SYN2: variants seen among roughly 807,000 people sequenced by gnomAD.
SYN2 encodes the protein synapsin II.
SYN2 carries 19 observed loss-of-function variants against 50.9 expected under a neutral mutation model. The ratio of observed to expected loss-of-function variants is 0.37; its 90% confidence interval spans 0.26 to 0.55. The LOEUF (loss-of-function observed/expected upper bound fraction) is 0.55, where lower values mean the gene tolerates loss of function less well. SYN2 is among the 20% of genes least tolerant of loss of function. SYN2 has a pLI of 0.81. For synonymous variants in SYN2, 255 were observed against 224.9 expected, an observed-to-expected ratio of 1.13 and a Z score of -1.20; for missense variants, 587 against 576.4, an observed-to-expected ratio of 1.02 and a Z score of -0.19.
chr3:12,164,984 C>CTTTTTT (rs68043865), intron 7 of SYN2, among the ~76,000 whole-genome samples: 94 of 92,312 alleles, frequency 1.0e-3, no homozygotes, highest in Middle Eastern at 7.2e-3. Context: ...TTTTTCTTTT[C>CTTTTTT]TTTTTTTTTT....
chr3:12,188,244 A>G (rs993622910), intron 12 of SYN2, among the ~76,000 whole-genome samples: 3 of 152,190 alleles, frequency 2.0e-5, no homozygotes, highest in Non-Finnish European at 2.9e-5. Flanking sequence ...ACACCCAGCA[A>G]TCAACCCTAG....
chr3:12,145,706 C>T lies in SYN2; in HGVS notation c.555C>T (p.Ile185=), dbSNP rs761992414. Reference sequence around the variant, plus strand: ...CCTTCCGGCCAGACTTCGTGCTCATCCGGCAGCATGCATTTGGCATGGCGG... The same window carrying T: ...CCTTCCGGCCAGACTTCGTGCTCATTCGGCAGCATGCATTTGGCATGGCGG... The part of the protein sequence containing the change: ...VRSFRPDFVL[I]RQHAFGMAEN... Residue 185 remains isoleucine (I), a synonymous_variant, in exon 4 of 13, where the codon ATC becomes ATT. Transcript: ENST00000621198. 1.2e-6 allele frequency: 2 copies of T among 1,613,894 alleles called. No homozygotes were observed. The highest frequency in any genetic ancestry group is 1.7e-6 in the Non-Finnish European group (2 of 1,179,882).
At position 12,086,518 on chromosome 3, in the gene SYN2, G is replaced by A. The variant is rs376346447; in HGVS notation, c.378-54133G>A. ...CAACATATTTAAAAGATCATTCACC[G>A]TGATCAAGTGAGATTTATCCCTGGG... On this transcript the variant is annotated intron_variant, in intron 1 of 12. Transcript: ENST00000621198. 5.7e-4 allele frequency among the ~76,000 whole-genome samples: 86 copies of A among 152,180 alleles called. No individual in the cohort carries two copies. In the Middle Eastern group the frequency reaches 0.014, roughly 24 times the overall value.
At chr3:12,113,256 A>G (rs1696364115) in intron 1 of SYN2, among the ~76,000 whole-genome samples, 1 of 152,146 alleles carries the variant, frequency 6.6e-6, no homozygotes, top group African/African-American at 2.4e-5. Context: ...ATGTAACCCA[A>G]TAGTTGCTGC....
At chr3:12,030,921 C>G (rs1247346401) in intron 1 of SYN2, among the ~76,000 whole-genome samples, 1 of 131,398 alleles carries the variant, frequency 7.6e-6, no homozygotes, top group African/African-American at 2.9e-5. Flanking sequence ...CTTCTGCTAG[C>G]TTTTGAATGT....
intron 3 of SYN2, among the ~76,000 whole-genome samples, chr3:12,142,930 C>T (rs1192990561): frequency 1.3e-5 from 2 of 152,142 alleles, no homozygotes; most frequent in Non-Finnish European, 2.9e-5. Context: ...CGAGCTTGTC[C>T]ATTCTGAAGA....
rs541720040 is a variant in SYN2, at chr3:12,059,677, A to G, written c.377+54749A>G. On this transcript the variant is annotated intron_variant, in intron 1 of 12. Transcript: ENST00000621198. ...TCTCCTGACAGTAACTTCCTTGGCT[A>G]TTGTTTTAAGTTACTGTTACCTTCT... Among the ~76,000 whole-genome samples, 6 of 152,208 alleles carry G rather than the reference A, an allele frequency of 3.9e-5. No individual in the cohort carries two copies. The South Asian group carries it at 8.3e-4, about 21-fold the overall frequency.
chr3:12,190,397 G>C, intron 12 of SYN2, 93 bp from the exon 13 acceptor site: 1 of 1,435,848 alleles, frequency 7.0e-7, no homozygotes, highest in South Asian at 1.2e-5. Context: ...GGGAGGGAGT[G>C]GGGGTTCTAG....
chr3:12,140,036 A>G (rs1696978261), intron 1 of SYN2, among the ~76,000 whole-genome samples: 1 of 152,210 alleles, frequency 6.6e-6, no homozygotes, highest in African/African-American at 2.4e-5. Context: ...CTGCTCAGAA[A>G]TGTGGGCTAA....
chr3:12,019,019 T>C (rs1694076047), intron 1 of SYN2, among the ~76,000 whole-genome samples: 1 of 152,170 alleles, frequency 6.6e-6, no homozygotes, highest in Admixed American at 6.5e-5. Context: ...TCTTACTTTT[T>C]GGTGCCTTCT....
chr3:12,020,509 G>T (rs747525512), intron 1 of SYN2, among the ~76,000 whole-genome samples: 1 of 152,092 alleles, frequency 6.6e-6, no homozygotes. Context: ...AGTTTTGGGA[G>T]GTTCCCTGCT....
rs1276617849 is a variant in SYN2 at position 12,145,863 on chromosome 3, A to G, written c.684+28A>G. ...GAGTGAGGCCCCCTTCCCCCAAGTA[A>G]AAGGGTAGGATTCAGGCCCTACATC... On this transcript the variant is annotated intron_variant, in intron 4 of 12. Transcript: ENST00000621198. 7 of 1,612,478 alleles carry G rather than the reference A, an allele frequency of 4.3e-6. No individual in the cohort carries two copies. In the African/African-American group the frequency reaches 5.3e-5, roughly 12 times the overall value.
intron 5 of SYN2, chr3:12,153,007 T>C (rs1349799019): frequency 4.9e-6 from 1 of 204,704 alleles, no homozygotes; most frequent in Non-Finnish European, 1.0e-5. Flanking sequence ...CAGATGAAAG[T>C]GTATCAGAGG....
At chr3:12,067,072 G>A (rs562402928) in intron 1 of SYN2, among the ~76,000 whole-genome samples, 3 of 152,248 alleles carry the variant, frequency 2.0e-5, no homozygotes, top group East Asian at 1.9e-4. Context: ...CCCCCATGAT[G>A]CAAGTACCTT....
At chr3:12,085,077 C>A (rs1695662935) in intron 1 of SYN2, among the ~76,000 whole-genome samples, 1 of 145,924 alleles carries the variant, frequency 6.9e-6, no homozygotes, top group Non-Finnish European at 1.5e-5. Flanking sequence ...ATTAAAGTTT[C>A]TAATCAAACG....
chr3:12,016,700 A>G (rs1037263631), intron 1 of SYN2, among the ~76,000 whole-genome samples: 60 of 152,188 alleles, frequency 3.9e-4, no homozygotes, highest in Admixed American at 3.8e-3. Context: ...TACTAAAAAT[A>G]CAAAAATTAG....
chr3:12,004,757 C>T lies in SYN2; in HGVS notation c.206C>T (p.Ala69Val). ...AGGCCGCCGCCCGCCTCGGCGCCCG[C>T]GCCGCAGCCCGCGCCGACGCCGTCG... is the stretch of plus-strand genomic sequence containing the variant. ...ERRPPPASAP[A>V]PQPAPTPSVG... Residue 69 changes from alanine (A) to valine (V), a missense_variant, in exon 1 of 13, where the codon GCG (alanine) becomes GTG (valine). By Grantham distance (64) the Ala-to-Val change is moderately conservative. Coordinates refer to ENST00000621198, the MANE Select transcript of SYN2 (RefSeq NM_133625.6). The T allele has an allele frequency of 5.8e-6, 2 of 342,442 alleles. No homozygotes were observed. The highest frequency in any genetic ancestry group is 1.0e-5 in the Non-Finnish European group (2 of 191,144). The allele number at this position is 342,442 out of a possible 1,614,324, so 21.2% of individuals were successfully genotyped here.
chr3:12,100,026 T>G (rs1373205077), intron 1 of SYN2, among the ~76,000 whole-genome samples: 2 of 141,214 alleles, frequency 1.4e-5, no homozygotes, highest in African/African-American at 5.3e-5. Flanking sequence ...GTTGAAAGAA[T>G]AAGATCTAAA....
chr3:12,131,190 G>A (rs1162730883), intron 1 of SYN2, among the ~76,000 whole-genome samples: 2 of 152,168 alleles, frequency 1.3e-5, no homozygotes, highest in African/African-American at 4.8e-5. Flanking sequence ...TGAGGAAGAG[G>A]TGCCTTTTTC....
Sources: gnomAD v4.1 joint callset for allele counts (sites outside exome capture counted in the v4.1 genomes callset) on GRCh38, gnomAD v4.1.1 for gene constraint, MANE v1.5 for transcripts, NCBI Gene and HGNC (gene_info 2026-07-23, HGNC 2026-07-21) for gene names.